The following DIS3L2 variants were observed in gnomAD, a reference collection of about 807,000 sequenced individuals.
The protein encoded by DIS3L2 is DIS3 like 3'-5' exoribonuclease 2, also known as DIS3-like exonuclease 2.
A neutral mutation model predicts 97.5 loss-of-function variants in DIS3L2; 34 were observed. The ratio of observed to expected loss-of-function variants is 0.35; its 90% CI spans 0.27 to 0.46. The LOEUF (loss-of-function observed/expected upper bound fraction) is 0.46. Among genes scored for constraint, DIS3L2 ranks in the 20% least tolerant of loss-of-function variants. DIS3L2 has a pLI of 1.00. For synonymous variants in DIS3L2, 435 were observed against 445.2 expected, an observed-to-expected ratio of 0.98 and a Z score of 0.29; for missense variants, 1,038 against 1,146.0, an observed-to-expected ratio of 0.91 and a Z score of 1.36.
chr2:232,084,471 C>G (rs192431447), intron 5 of DIS3L2, among the ~76,000 whole-genome samples: 1 of 152,152 alleles, frequency 6.6e-6, no homozygotes, highest in African/African-American at 2.4e-5. Flanking sequence ...TTTCAGATTT[C>G]AGACCATTTT....
chr2:232,270,904 CTCTCT>C (rs1693986959), intron 13 of DIS3L2, among the ~76,000 whole-genome samples: 2 of 139,592 alleles, frequency 1.4e-5, no homozygotes, highest in African/African-American at 5.7e-5. Flanking sequence ...CTCTCTCTCT[CTCTCT>C]CTCTCTGTCT....
Position 232,210,317 on chromosome 2 carries a change from C to G in DIS3L2, c.1125-9C>G, listed in dbSNP as rs759150840. On this transcript the variant is annotated splice_polypyrimidine_tract_variant and intron_variant, in intron 9 of 20. Transcript: ENST00000325385. The stretch of plus-strand genomic sequence containing the variant: ...TGGCATTGCTAATTGTTTCTTCACT[C>G]TTTCCTAGAAAAGACTGTATCTTCA... The G allele has an allele frequency of 1.2e-5, 19 of 1,611,766 alleles. No homozygotes were observed. Among genetic ancestry groups the G allele is most frequent in the South Asian group, 2.2e-5 (2 of 91,002 alleles).
chr2:232,185,337 T>A (rs552949301), intron 9 of DIS3L2, among the ~76,000 whole-genome samples: 1 of 152,234 alleles, frequency 6.6e-6, no homozygotes, highest in Non-Finnish European at 1.5e-5. Flanking sequence ...AACACACTTA[T>A]AAATAATTCA....
intron 1 of DIS3L2, among the ~76,000 whole-genome samples, chr2:231,969,038 A>C (rs931913914): frequency 1.3e-5 from 2 of 152,118 alleles, no homozygotes; most frequent in Admixed American, 1.3e-4. Flanking sequence ...CCGCCGTGTA[A>C]GACATGCCTA....
At chr2:232,121,303 C>G (rs1697897724) in intron 6 of DIS3L2, among the ~76,000 whole-genome samples, 1 of 152,200 alleles carries the variant, frequency 6.6e-6, no homozygotes, top group South Asian at 2.1e-4. Context: ...TGATTTTTCT[C>G]CTACCTCTGA....
chr2:232,199,494 T>A (rs1383050241), intron 9 of DIS3L2, among the ~76,000 whole-genome samples: 8 of 152,202 alleles, frequency 5.3e-5, no homozygotes, highest in Non-Finnish European at 1.2e-4. Context: ...GTGTGCTTGG[T>A]TTTTGTTTGG....
At chr2:232,336,343 C>CA in intron 20 of DIS3L2, 126 bp from the exon 21 acceptor site, 1 of 1,547,874 alleles carries the variant, frequency 6.5e-7, no homozygotes, top group Non-Finnish European at 8.7e-7. Context: ...CCATTACAGA[C>CA]AGGCGAGCAG....
At chr2:232,197,129 C>T (rs1691776920) in intron 9 of DIS3L2, among the ~76,000 whole-genome samples, 1 of 152,086 alleles carries the variant, frequency 6.6e-6, no homozygotes, top group African/African-American at 2.4e-5. Context: ...ATACATTGTT[C>T]CTCAAATAGA....
chr2:232,226,307 T>C (rs1692645953), intron 10 of DIS3L2, among the ~76,000 whole-genome samples: 5 of 152,232 alleles, frequency 3.3e-5, no homozygotes, highest in Admixed American at 3.3e-4. Flanking sequence ...TTTGGTATGA[T>C]AGGTGAGCAC....
intron 14 of DIS3L2, among the ~76,000 whole-genome samples, chr2:232,322,197 G>A (rs1695457159): frequency 6.6e-6 from 1 of 152,244 alleles, no homozygotes; most frequent in African/African-American, 2.4e-5. Context: ...AGAGGGTTCA[G>A]AGCAAATGAT....
In DIS3L2 at chr2:232,011,994, C is replaced by T. The variant is rs139415419; in HGVS notation, c.-93-2841C>T. Among the ~76,000 whole-genome samples, 429 of 152,326 alleles carry T rather than the reference C, an allele frequency of 2.8e-3. 5 individuals carry two copies. The highest frequency in any genetic ancestry group is 0.025 in the Admixed American group (384 of 15,304). ...ACTTAGCATTTTATATACTCAGAAT[C>T]TTTCCATCTCCTTCTAGTGCTTTGG... On this transcript the variant is annotated intron_variant, in intron 1 of 20. Coordinates refer to ENST00000325385, the MANE Select transcript of DIS3L2 (RefSeq NM_152383.5).
intron 5 of DIS3L2, among the ~76,000 whole-genome samples, chr2:232,045,133 G>A (rs939277982): frequency 6.6e-6 from 1 of 152,168 alleles, no homozygotes; most frequent in Admixed American, 6.5e-5. Context: ...ATGCTTTCTG[G>A]AAAGGAATTT....
chr2:232,226,768 T>C (rs963438721), intron 10 of DIS3L2, among the ~76,000 whole-genome samples: 2 of 152,124 alleles, frequency 1.3e-5, no homozygotes, highest in African/African-American at 4.8e-5. Context: ...GCCTAGGAGT[T>C]CGACCCCAGC....
In DIS3L2 at chr2:232,142,927, G is replaced by A. The variant is rs368625148; in HGVS notation, c.950+6208G>A. Among the ~76,000 whole-genome samples, 21 of 152,298 alleles carry A rather than the reference G, an allele frequency of 1.4e-4. No individual in the cohort carries two copies. In the East Asian group the frequency reaches 4.0e-3, roughly 29 times the overall value. On this transcript the variant is annotated intron_variant, in intron 8 of 20. Coordinates refer to ENST00000325385, the MANE Select transcript of DIS3L2 (RefSeq NM_152383.5). ...ATGCCATTATATCTGTTTGCATGGA[G>A]TTTCCAACATTGGACCAACATGTAT...
intron 7 of DIS3L2, among the ~76,000 whole-genome samples, chr2:232,135,649 G>T (rs560261301): frequency 6.6e-6 from 1 of 152,214 alleles, no homozygotes; most frequent in South Asian, 2.1e-4. Context: ...GGGAGTGACT[G>T]GGGGAGAGGT....
chr2:232,019,136 A>G (rs141821248), intron 3 of DIS3L2, among the ~76,000 whole-genome samples: 1 of 152,294 alleles, frequency 6.6e-6, no homozygotes, highest in African/African-American at 2.4e-5. Context: ...CTTAGTCATG[A>G]TGTCGGAGTT....
chr2:232,187,289 C>T (rs1691467041), intron 9 of DIS3L2, among the ~76,000 whole-genome samples: 1 of 151,910 alleles, frequency 6.6e-6, no homozygotes, highest in Non-Finnish European at 1.5e-5. Flanking sequence ...AAATTGGAAC[C>T]CTCTTATACT....
chr2:232,342,407 A>G (rs1402748760), intron 13 of DIS3L2, among the ~76,000 whole-genome samples: 1 of 152,182 alleles, frequency 6.6e-6, no homozygotes, highest in Non-Finnish European at 1.5e-5. Context: ...TGGTTGCCTC[A>G]GAGATGGGAA....
intron 13 of DIS3L2, among the ~76,000 whole-genome samples, chr2:232,297,410 A>G (rs6738099): frequency 0.35 from 52,641 of 152,078 alleles, 14,601 homozygotes; most frequent in African/African-American, 0.75. Context: ...TTAGATACTG[A>G]TTGAGAAGCT....
Sources: gnomAD v4.1 joint callset for allele counts (sites outside exome capture counted in the v4.1 genomes callset) on GRCh38, gnomAD v4.1.1 for gene constraint, MANE v1.5 for transcripts, NCBI Gene and HGNC (gene_info 2026-07-23, HGNC 2026-07-21) for gene names.